Variants in CDH23 observed in about 807,000 individuals in gnomAD.
The protein encoded by CDH23 is cadherin-23.
In CDH23, 189 loss-of-function variants were observed where a neutral mutation model predicts 317.1. The ratio of observed to expected loss-of-function variants is 0.60; its 90% CI spans 0.53 to 0.67. The LOEUF (loss-of-function observed/expected upper bound fraction) is 0.67. CDH23 is among the 30% of genes least tolerant of loss of function. The probability of loss-of-function intolerance (pLI) is 0.00; values close to 1 mark genes in which losing one functional copy is unlikely to be tolerated. For synonymous variants in CDH23, 1,839 were observed against 1,876.8 expected, an observed-to-expected ratio of 0.98 and a Z score of 0.52; for missense variants, 4,401 against 4,592.4, an observed-to-expected ratio of 0.96 and a Z score of 1.20.
At chr10:71,646,012 G>T in intron 13 of CDH23, 32 bp downstream of exon 13, 1 of 1,596,734 alleles carries the variant, frequency 6.3e-7, no homozygotes, top group East Asian at 2.2e-5. Context: ...TTTTGGAGTG[G>T]GGTGGGGGGT....
intron 3 of CDH23, among the ~76,000 whole-genome samples, chr10:71,494,881 C>G (rs989731011): frequency 6.6e-6 from 1 of 152,182 alleles, no homozygotes; most frequent in African/African-American, 2.4e-5. Context: ...CCAGCCCTGC[C>G]CCTGTAACTG....
Position 71,773,420 on chromosome 10 carries a change from A to G in CDH23, c.4846-4260A>G, listed in dbSNP as rs3747862. On this transcript the variant is annotated intron_variant, in intron 38 of 69. Coordinates refer to ENST00000224721, the MANE Select transcript of CDH23 (RefSeq NM_022124.6). The stretch of plus-strand genomic sequence containing the variant: ...TCCCCAGCGCCAGCTGCCGGCCTCC[A>G]GGGCCGTGGGGACGCCCATGTCGCC... 665,271 of 1,603,072 alleles carry G rather than the reference A, an allele frequency of 0.41. 141,814 individuals are homozygous for G. The highest frequency in any genetic ancestry group is 0.49 in the South Asian group (44,388 of 89,682).
At chr10:71,668,701 GCACC>G (rs1864014348) in intron 14 of CDH23, among the ~76,000 whole-genome samples, 1 of 152,152 alleles carries the variant, frequency 6.6e-6, no homozygotes, top group African/African-American at 2.4e-5. Flanking sequence ...TGTCAGAGGG[GCACC>G]CTCTTGCCCC....
intron 3 of CDH23, among the ~76,000 whole-genome samples, chr10:71,487,746 A>G (rs1852429969): frequency 2.0e-5 from 3 of 152,116 alleles, no homozygotes; most frequent in Admixed American, 2.0e-4. Context: ...CCTGGTTGTA[A>G]GTGGTCTTGC....
intron 1 of CDH23, among the ~76,000 whole-genome samples, chr10:71,425,232 GGAGAGAGAGAGAGAGAGA>G (rs748338206): frequency 1.1e-4 from 8 of 73,906 alleles, no homozygotes; most frequent in Non-Finnish European, 2.0e-4. Flanking sequence ...AGAGAGAGAG[GGAGAGAGAGAGAGAGAGA>G]GAGAGAGAGA....
At chr10:71,667,199 T>A (rs1436900172) in intron 14 of CDH23, among the ~76,000 whole-genome samples, 6 of 151,962 alleles carry the variant, frequency 3.9e-5, no homozygotes, top group African/African-American at 1.2e-4. Flanking sequence ...GACGGGAGTG[T>A]GGGCGCTGGT....
chr10:71,774,529 C>T (rs1041933938), intron 38 of CDH23, among the ~76,000 whole-genome samples: 2 of 152,208 alleles, frequency 1.3e-5, no homozygotes, highest in Non-Finnish European at 2.9e-5. Context: ...CCCTCCAGAG[C>T]GAAACTACAA....
At chr10:71,604,150 C>T (rs1860394258) in intron 9 of CDH23, among the ~76,000 whole-genome samples, 1 of 152,134 alleles carries the variant, frequency 6.6e-6, no homozygotes, top group South Asian at 2.1e-4. Flanking sequence ...GGCATGGTGG[C>T]TCATGCCTGT....
intron 6 of CDH23, among the ~76,000 whole-genome samples, chr10:71,525,396 C>A (rs78939259): frequency 6.6e-6 from 1 of 152,182 alleles, no homozygotes; most frequent in Admixed American, 6.5e-5. Flanking sequence ...CCCTGAAGCA[C>A]CCCCAGGCTC....
chr10:71,748,739 T>C (rs189654857), intron 38 of CDH23: 2 of 152,822 alleles, frequency 1.3e-5, no homozygotes, highest in Non-Finnish European at 2.9e-5. Flanking sequence ...AGCTCTCCCA[T>C]GCACCCCAGC....
At chr10:71,785,517 C>T in intron 43 of CDH23, 114 bp from the exon 44 acceptor site, 1 of 722,688 alleles carries the variant, frequency 1.4e-6, no homozygotes, top group South Asian at 1.7e-5. Context: ...TTTTGGCCTT[C>T]TAGATCATCT....
intron 3 of CDH23, among the ~76,000 whole-genome samples, chr10:71,463,597 G>A (rs1589105044): frequency 1.3e-5 from 2 of 152,318 alleles, no homozygotes; most frequent in Non-Finnish European, 2.9e-5. Context: ...GGGGAAGTTA[G>A]TATTCCCTTA....
rs397517358 is a variant in CDH23 at position 71,807,706 on chromosome 10, C to T, written c.8499C>T (p.Arg2833=). 1.0e-4 allele frequency: 161 copies of T among 1,612,388 alleles called. No individual in the cohort carries two copies. The highest frequency in any genetic ancestry group is 1.1e-4 in the Non-Finnish European group (135 of 1,179,314). Residue 2833 remains arginine, a synonymous_variant, in exon 59 of 70, where the codon CGC becomes CGT. Coordinates refer to ENST00000224721, the MANE Select transcript of CDH23 (RefSeq NM_022124.6). Reference sequence around the variant, plus strand: ...CTGACCTCACACTGCAGGAGGTGCGCGTTGTGCTAGAGGACATCAACGACC... The same window carrying T: ...CTGACCTCACACTGCAGGAGGTGCGTGTTGTGCTAGAGGACATCAACGACC... The part of the protein sequence containing the change: ...LVADLTLQEV[R]VVLEDINDQP...
intron 9 of CDH23, among the ~76,000 whole-genome samples, chr10:71,597,324 G>A (rs769273590): frequency 2.0e-5 from 3 of 152,084 alleles, no homozygotes; most frequent in Non-Finnish European, 4.4e-5. Context: ...ACAGGGACCC[G>A]GATATCATCC....
intron 60 of CDH23, among the ~76,000 whole-genome samples, chr10:71,808,345 T>C (rs1045638115): frequency 3.3e-5 from 5 of 152,178 alleles, no homozygotes; most frequent in African/African-American, 1.2e-4. Context: ...CTTCCATCCG[T>C]CCATCTGTCT....
Position 71,609,019 on chromosome 10 carries a change from C to G in CDH23, c.833-6485C>G, listed in dbSNP as rs139455417. Reference sequence around the variant, plus strand: ...GCCACTCACTAAACTGCTTTTCGCCCAGACCCAGCTCTGCTGTGGTTCAAG... The same window carrying G: ...GCCACTCACTAAACTGCTTTTCGCCGAGACCCAGCTCTGCTGTGGTTCAAG... On this transcript the variant is annotated intron_variant, in intron 9 of 69. Coordinates refer to ENST00000224721, the MANE Select transcript of CDH23 (RefSeq NM_022124.6). Among the ~76,000 whole-genome samples, 35 of 152,298 alleles carry G rather than the reference C, an allele frequency of 2.3e-4. No homozygotes were observed. In the East Asian group the frequency reaches 6.6e-3, roughly 29 times the overall value.
At chr10:71,421,697 T>C (rs1268153993) in intron 1 of CDH23, among the ~76,000 whole-genome samples, 1 of 152,244 alleles carries the variant, frequency 6.6e-6, no homozygotes, top group Non-Finnish European at 1.5e-5. Context: ...ATATTTTTTC[T>C]TAAATTGAGT....
chr10:71,452,879 T>C (rs1400799413), intron 3 of CDH23, among the ~76,000 whole-genome samples: 5 of 152,146 alleles, frequency 3.3e-5, no homozygotes, highest in African/African-American at 9.7e-5. Context: ...CCTGGAGAGA[T>C]GGCATGATCT....
chr10:71,502,263 T>C (rs1472906371), intron 3 of CDH23, among the ~76,000 whole-genome samples: 1 of 152,218 alleles, frequency 6.6e-6, no homozygotes, highest in Non-Finnish European at 1.5e-5. Flanking sequence ...TGTGAAGTCC[T>C]TTTAGGTCAC....
Sources: gnomAD v4.1 joint callset for allele counts (sites outside exome capture counted in the v4.1 genomes callset) on GRCh38, gnomAD v4.1.1 for gene constraint, MANE v1.5 for transcripts, NCBI Gene and HGNC (gene_info 2026-07-23, HGNC 2026-07-21) for gene names.